The following TM4SF4 variants were observed in gnomAD, a reference collection of about 807,000 sequenced individuals.
TM4SF4 encodes the protein transmembrane 4 L six family member 4.
In TM4SF4, 24 loss-of-function variants were observed where a neutral mutation model predicts 24.1. That is an observed-to-expected ratio of 1.00 (90% CI 0.72 to 1.40). The LOEUF (loss-of-function observed/expected upper bound fraction) is 1.40. TM4SF4 is among the 40% of genes most tolerant of loss of function. The pLI, the probability that TM4SF4 is intolerant of heterozygous loss-of-function variation, is 0.00. For synonymous variants in TM4SF4, 113 were observed against 97.0 expected (o/e 1.17, Z -0.97); for missense variants, 254 against 254.2 (o/e 1.00, Z 0.01).
At chr3:149,494,459 T>G (rs550329911) in intron 3 of TM4SF4, among the ~76,000 whole-genome samples, 1 of 152,306 alleles carries the variant, frequency 6.6e-6, no homozygotes, top group Non-Finnish European at 1.5e-5. Context: ...CTTTTCTTCA[T>G]AAAGTGTGCC....
At chr3:149,481,165 G>T (rs1244221242) in intron 2 of TM4SF4, among the ~76,000 whole-genome samples, 3 of 152,144 alleles carry the variant, frequency 2.0e-5, no homozygotes, top group African/African-American at 7.2e-5. Flanking sequence ...GGCATCTTCA[G>T]TAAATATTTT....
chr3:149,475,510 G>A (rs2107864675), intron 1 of TM4SF4, among the ~76,000 whole-genome samples: 1 of 152,302 alleles, frequency 6.6e-6, no homozygotes, highest in South Asian at 2.1e-4. Context: ...ACCTCCGTTT[G>A]AGAGAGTGAA....
At position 149,474,819 on chromosome 3, in the gene TM4SF4, C is replaced by T; in HGVS notation, c.-59C>T. ...CTCTGGCCAAAAACCCTTGAAGAGG[C>T]CCCGTGAAGGAGGCAGTGAGGAGCT... On this transcript the variant is annotated 5_prime_UTR_variant, in exon 1 of 5. Coordinates refer to ENST00000305354, the MANE Select transcript of TM4SF4 (RefSeq NM_004617.4). 6.6e-7 allele frequency: 1 copy of T among 1,523,134 alleles called. No homozygotes were observed. Among genetic ancestry groups the T allele is most frequent in the Non-Finnish European group, 8.8e-7 (1 of 1,134,726 alleles). 94.4% of individuals were successfully genotyped at this position (1,523,134 alleles called of 1,614,324 possible).
intron 3 of TM4SF4, among the ~76,000 whole-genome samples, chr3:149,490,771 C>T (rs977518420): frequency 6.6e-6 from 1 of 152,202 alleles, no homozygotes; most frequent in African/African-American, 2.4e-5. Flanking sequence ...GCAAACCTAA[C>T]ACTCATACAC....
chr3:149,495,128 G>T, intron 3 of TM4SF4: 2 of 250,890 alleles, frequency 8.0e-6, no homozygotes, highest in Non-Finnish European at 1.6e-5. Context: ...CCCCTCTACA[G>T]CCAGAAGAGA....
chr3:149,483,095 TG>T (rs1190654092), intron 2 of TM4SF4, among the ~76,000 whole-genome samples: 1 of 152,198 alleles, frequency 6.6e-6, no homozygotes, highest in Non-Finnish European at 1.5e-5. Flanking sequence ...TGGACTTTCA[TG>T]AAGACAACTC....
intron 3 of TM4SF4, among the ~76,000 whole-genome samples, chr3:149,493,904 A>G (rs982207700): frequency 2.0e-5 from 3 of 152,206 alleles, no homozygotes; most frequent in Non-Finnish European, 1.5e-5. Context: ...CGCGCCAGCA[A>G]AGCATTCGTA....
At chr3:149,498,187 T>C (rs1316544626) in intron 3 of TM4SF4, among the ~76,000 whole-genome samples, 1 of 152,218 alleles carries the variant, frequency 6.6e-6, no homozygotes, top group Non-Finnish European at 1.5e-5. Context: ...TTTAGCTATA[T>C]GACACATTTG....
rs531231595 is a variant in TM4SF4 at position 149,486,589 on chromosome 3, C to T, written c.265-1030C>T. 2.6e-5 allele frequency among the ~76,000 whole-genome samples: 4 copies of T among 152,240 alleles called. No individual in the cohort carries two copies. The South Asian group carries it at 8.3e-4, about 32-fold the overall frequency. On this transcript the variant is annotated intron_variant, in intron 2 of 4. Transcript: ENST00000305354. The stretch of plus-strand genomic sequence containing the variant: ...TAGCTGGGTTCCAGGATTGCTTCTG[C>T]CTTTTGCAGTCAATAATTCTATTTT...
intron 2 of TM4SF4, among the ~76,000 whole-genome samples, chr3:149,483,129 G>A (rs1734063333): frequency 6.7e-6 from 1 of 149,122 alleles, no homozygotes; most frequent in African/African-American, 2.5e-5. Context: ...GTCAACAAAT[G>A]TTTCCAGACC....
chr3:149,485,639 T>TAAGC (rs201934354), intron 2 of TM4SF4, among the ~76,000 whole-genome samples: 4,812 of 152,150 alleles, frequency 0.032, 88 homozygotes, highest in Middle Eastern at 0.065. Context: ...CATAAAAAGC[T>TAAGC]AAGCATTAGT....
intron 3 of TM4SF4, among the ~76,000 whole-genome samples, chr3:149,489,793 G>A (rs1483352592): frequency 6.6e-6 from 1 of 151,988 alleles, no homozygotes; most frequent in Admixed American, 6.6e-5. Flanking sequence ...CAACTAACCA[G>A]CATCAAGAAC....
At chr3:149,479,990 T>C (rs1050043939) in intron 2 of TM4SF4, among the ~76,000 whole-genome samples, 5 of 152,164 alleles carry the variant, frequency 3.3e-5, no homozygotes, top group African/African-American at 1.2e-4. Flanking sequence ...TTGGATCACC[T>C]GATTCATAGT....
At chr3:149,486,608 C>A (rs1186969251) in intron 2 of TM4SF4, among the ~76,000 whole-genome samples, 2 of 152,158 alleles carry the variant, frequency 1.3e-5, no homozygotes, top group Non-Finnish European at 2.9e-5. Flanking sequence ...GTCAATAATT[C>A]TATTTTGATT....
chr3:149,490,539 C>G (rs1560031632), intron 3 of TM4SF4, among the ~76,000 whole-genome samples: 1 of 152,172 alleles, frequency 6.6e-6, no homozygotes, highest in Non-Finnish European at 1.5e-5. Context: ...GGCAGAAGCT[C>G]AAATCCAAGT....
chr3:149,500,108 C>T (rs1317877727), intron 4 of TM4SF4, among the ~76,000 whole-genome samples: 1 of 151,944 alleles, frequency 6.6e-6, no homozygotes, highest in East Asian at 1.9e-4. Context: ...TTATTTTATT[C>T]TCCCTATCTT....
intron 1 of TM4SF4, 86 bp downstream of exon 1, chr3:149,475,137 G>C (rs1213869809): frequency 5.0e-6 from 7 of 1,392,352 alleles, no homozygotes; most frequent in Non-Finnish European, 5.8e-6. Flanking sequence ...TGAACAGGGA[G>C]ATATTTAGTT....
chr3:149,495,443 G>C, intron 3 of TM4SF4: 1 of 395,308 alleles, frequency 2.5e-6, no homozygotes, highest in South Asian at 2.3e-5. Flanking sequence ...GTGGAAACTG[G>C]TGTTCTCAAA....
intron 2 of TM4SF4, among the ~76,000 whole-genome samples, chr3:149,476,364 C>T (rs751227296): frequency 2.6e-5 from 4 of 152,238 alleles, no homozygotes; most frequent in Non-Finnish European, 5.9e-5. Context: ...CTAGGTTCCT[C>T]ACTCACACCA....
Sources: gnomAD v4.1 joint callset for allele counts (sites outside exome capture counted in the v4.1 genomes callset) on GRCh38, gnomAD v4.1.1 for gene constraint, MANE v1.5 for transcripts, NCBI Gene and HGNC (gene_info 2026-07-23, HGNC 2026-07-21) for gene names.